The following HTT variants were observed in gnomAD, a reference collection of about 807,000 sequenced individuals.
The protein encoded by HTT is huntington disease protein.
In HTT, 104 loss-of-function variants were observed where a neutral mutation model predicts 362.3. The observed-to-expected ratio is 0.29, with a 90% confidence interval of 0.24 to 0.34. The LOEUF is 0.34. Among genes scored for constraint, HTT ranks in the 10% least tolerant of loss-of-function variants. The pLI is 1.00. For synonymous variants in HTT, 1,577 were observed against 1,548.7 expected (o/e 1.02, Z -0.43); for missense variants, 3,301 against 3,928.6 (o/e 0.84, Z 4.27).
chr4:3,235,185 C>G, intron 61 of HTT, 99 bp from the exon 62 acceptor site: 1 of 879,244 alleles, frequency 1.1e-6, no homozygotes, highest in South Asian at 1.5e-5. Flanking sequence ...GCCCGCCTGG[C>G]CCATAGCTCT....
At chr4:3,205,048 G>A (rs1428226478) in intron 42 of HTT, among the ~76,000 whole-genome samples, 1 of 151,992 alleles carries the variant, frequency 6.6e-6, no homozygotes, top group Non-Finnish European at 1.5e-5. Flanking sequence ...ATTTTATGAT[G>A]GATTCCTGTT....
chr4:3,114,346 T>C (rs546391739), intron 6 of HTT, among the ~76,000 whole-genome samples: 361 of 152,352 alleles, frequency 2.4e-3, no homozygotes, highest in Non-Finnish European at 4.5e-3. Context: ...TCAGAGATTT[T>C]GTTTATGGCC....
chr4:3,110,410 T>G (rs745645381), intron 6 of HTT, among the ~76,000 whole-genome samples: 1 of 152,200 alleles, frequency 6.6e-6, no homozygotes, highest in Non-Finnish European at 1.5e-5. Context: ...TCTGCCCCAG[T>G]CTGGGCAGGT....
intron 38 of HTT, among the ~76,000 whole-genome samples, chr4:3,187,355 CTG>C (rs1482682177): frequency 4.6e-5 from 7 of 152,078 alleles, no homozygotes; most frequent in Non-Finnish European, 8.8e-5. Flanking sequence ...CGGGGTTTCA[CTG>C]TGTTAGCCAG....
intron 56 of HTT, among the ~76,000 whole-genome samples, chr4:3,225,110 G>A (rs1292916629): frequency 2.0e-5 from 3 of 152,014 alleles, no homozygotes; most frequent in Non-Finnish European, 4.4e-5. Flanking sequence ...CCGGGAATTG[G>A]GGGGATGCCC....
chr4:3,233,581 G>A (rs756697179), intron 61 of HTT, among the ~76,000 whole-genome samples: 1 of 152,228 alleles, frequency 6.6e-6, no homozygotes, highest in Non-Finnish European at 1.5e-5. Flanking sequence ...CTCTGCTGCT[G>A]TCTCATGTGG....
chr4:3,187,943 G>A, intron 39 of HTT, 57 bp downstream of exon 39: 2 of 1,009,792 alleles, frequency 2.0e-6, no homozygotes, highest in Non-Finnish European at 3.0e-6. Flanking sequence ...GTCACGTGAT[G>A]TTTCACAGTC....
At position 3,235,343 on chromosome 4, in the gene HTT, T is replaced by C. The variant is rs1721473606; in HGVS notation, c.8516T>C (p.Leu2839Pro). The part of the protein sequence containing the change: ...VLVMCATAFY[L>P]IENYPLDVGP... ...GTCATGTGTGCCACTGCGTTTTACC[T>C]CATTGAGAACTATCCTCTGGACGTA... Residue 2839 changes from leucine (L) to proline (P), a missense_variant, in exon 62 of 67, where the codon CTC (leucine) becomes CCC (proline). Leu to Pro is a moderately conservative substitution (Grantham distance 98, BLOSUM62 -3). Coordinates refer to ENST00000355072, the MANE Select transcript of HTT (RefSeq NM_001388492.1). The C allele has an allele frequency of 6.2e-7, 1 of 1,613,910 alleles. No individual in the cohort carries two copies. The highest frequency in any genetic ancestry group is 8.5e-7 in the Non-Finnish European group (1 of 1,179,906).
At chr4:3,124,983 T>C (rs1001242795) in intron 10 of HTT, among the ~76,000 whole-genome samples, 9 of 152,224 alleles carry the variant, frequency 5.9e-5, no homozygotes, top group African/African-American at 1.9e-4. Flanking sequence ...AATGTAATTC[T>C]GAAGATGAAC....
At position 3,139,497 on chromosome 4, in the gene HTT, C is replaced by T. The variant is rs1214334584; in HGVS notation, c.2799-1013C>T. ...ACAGGCGTGAGCCACCGTACCCAGC[C>T]AGTAGTTACTTCTTATATTCTAGAA... On this transcript the variant is annotated intron_variant, in intron 21 of 66. Transcript: ENST00000355072. Among the ~76,000 whole-genome samples, 3 of 152,124 alleles carry T rather than the reference C, an allele frequency of 2.0e-5. 1 individual carries two copies. The highest frequency in any genetic ancestry group is 7.2e-5 in the African/African-American group (3 of 41,418).
intron 41 of HTT, among the ~76,000 whole-genome samples, chr4:3,202,757 A>G (rs1052865911): frequency 1.2e-4 from 19 of 152,144 alleles, no homozygotes; most frequent in African/African-American, 4.3e-4. Flanking sequence ...CATGCCTGTA[A>G]TCCCAGTATT....
rs536538016 is a variant in HTT at position 3,235,153 on chromosome 4, C to G, written c.8457-131C>G. 36 of 660,738 alleles carry G rather than the reference C, an allele frequency of 5.4e-5. No homozygotes were observed. In the East Asian group the frequency reaches 7.7e-4, roughly 14 times the overall value. The allele number at this position is 660,738 out of a possible 1,614,324, so 40.9% of individuals were successfully genotyped here. On this transcript the variant is annotated intron_variant, in intron 61 of 66. Transcript: ENST00000355072. Reference sequence around the variant, plus strand: ...AGGTTGCAGGGGCCTGGGGGAGCCACTCAGGGTAGGCGCTCCCGGGAGCCC... The same window carrying G: ...AGGTTGCAGGGGCCTGGGGGAGCCAGTCAGGGTAGGCGCTCCCGGGAGCCC...
chr4:3,109,883 CG>C (rs1327517803), intron 6 of HTT, among the ~76,000 whole-genome samples: 1 of 151,838 alleles, frequency 6.6e-6, no homozygotes, highest in African/African-American at 2.4e-5. Context: ...GTGCTGGGGA[CG>C]GGGGGGCCAC....
intron 4 of HTT, 48 bp from the exon 5 acceptor site, chr4:3,105,309 G>C (rs781567583): frequency 5.7e-6 from 7 of 1,223,674 alleles, no homozygotes; most frequent in Non-Finnish European, 8.5e-6. Flanking sequence ...CAACCCTCTT[G>C]GTGACTAGTA....
At position 3,074,896 on chromosome 4, in the gene HTT, AGCAG is replaced by A. The variant is rs749598070; in HGVS notation, c.72_75del (p.Gln24HisfsTer76). 110 of 1,472,180 alleles carry A rather than the reference AGCAG, an allele frequency of 7.5e-5. 1 individual carries two copies. In the South Asian group the frequency reaches 1.3e-3, roughly 18 times the overall value. 91.2% of individuals were successfully genotyped at this position (1,472,180 alleles called of 1,614,324 possible). ...TCCTTCCAGCAGCAGCAGCAGCAGC[AGCAG>A]CAGCAGCAGCAGCAGCAGCAGCAGC... On this transcript the variant is annotated frameshift_variant, in exon 1 of 67. Coordinates refer to ENST00000355072, the MANE Select transcript of HTT (RefSeq NM_001388492.1). LOFTEE classifies it high-confidence loss of function.
chr4:3,239,728 C>A, intron 66 of HTT, 118 bp from the exon 67 acceptor site: 1 of 787,798 alleles, frequency 1.3e-6, no homozygotes, highest in Non-Finnish European at 2.0e-6. Context: ...GGGCTCTGCT[C>A]GCTCTCCAGG....
Position 3,212,683 on chromosome 4 carries a change from G to A in HTT, c.6748G>A (p.Val2250Met), listed in dbSNP as rs1164178080. ...HLPPEKEKDIVKFVVATLEAL... is the reference protein window; with the variant it reads ...HLPPEKEKDIMKFVVATLEAL... ...TCCTCCTGAGAAAGAGAAGGACATT[G>A]TGAAATTCGTGGTGGCAACCCTTGA... Residue 2250 changes from valine (V) to methionine (M), a missense_variant, in exon 49 of 67, where the codon GTG becomes ATG. Coordinates refer to ENST00000355072, the MANE Select transcript of HTT (RefSeq NM_001388492.1). 6.2e-7 allele frequency: 1 copy of A among 1,614,264 alleles called. No individual in the cohort carries two copies. The highest frequency in any genetic ancestry group is 8.5e-7 in the Non-Finnish European group (1 of 1,180,044).
At chr4:3,172,442 T>G in intron 30 of HTT, 45 bp downstream of exon 30, 1 of 1,288,254 alleles carries the variant, frequency 7.8e-7, no homozygotes, top group Non-Finnish European at 1.1e-6. Flanking sequence ...CGTTCGGGTA[T>G]GACAGCAAAA....
intron 61 of HTT, among the ~76,000 whole-genome samples, 188 bp downstream of exon 61, chr4:3,233,541 C>T (rs966309864): frequency 2.0e-5 from 3 of 152,190 alleles, no homozygotes; most frequent in African/African-American, 4.8e-5. Flanking sequence ...GAGGCTTCCT[C>T]GGGCACCTCC....
Sources: gnomAD v4.1 joint callset for allele counts (sites outside exome capture counted in the v4.1 genomes callset) on GRCh38, gnomAD v4.1.1 for gene constraint, MANE v1.5 for transcripts, NCBI Gene and HGNC (gene_info 2026-07-23, HGNC 2026-07-21) for gene names.